IQGAP1: variants seen among roughly 807,000 people sequenced by gnomAD.
IQGAP1 encodes IQ motif containing GTPase activating protein 1.
Under a neutral mutation model 215.6 loss-of-function variants are expected in IQGAP1, and 66 were observed. The observed-to-expected ratio is 0.31, with a 90% CI of 0.25 to 0.38. IQGAP1 has a LOEUF of 0.38. Ranked by LOEUF, IQGAP1 falls within the 10% of genes least tolerant of loss-of-function variation. The pLI is 1.00. For synonymous variants in IQGAP1, 772 were observed against 728.7 expected, an observed-to-expected ratio of 1.06 and a Z score of -0.96; for missense variants, 1,712 against 1,997.1, an observed-to-expected ratio of 0.86 and a Z score of 2.72.
intron 2 of IQGAP1, among the ~76,000 whole-genome samples, chr15:90,422,634 ATATATG>A (rs1318228455): frequency 1.1e-5 from 1 of 90,176 alleles, no homozygotes; most frequent in Non-Finnish European, 2.3e-5. Flanking sequence ...ATGTATATAT[ATATATG>A]TATATGTATA....
In IQGAP1 at chr15:90,443,472, G is replaced by T. The variant is rs371374945; in HGVS notation, c.907G>T (p.Val303Phe). 6 of 1,591,856 alleles carry T rather than the reference G, an allele frequency of 3.8e-6. No homozygotes were observed. The African/African-American group carries it at 8.1e-5, about 21-fold the overall frequency. The stretch of plus-strand genomic sequence containing the variant: ...TGAAATTCAAGGCAATATAAACAAA[G>T]TCAATAGTAAGTATGTTCCTGAATC... ...QAEIQGNINKVNTFSALANID... is the reference protein window; with the variant it reads ...QAEIQGNINKFNTFSALANID... Residue 303 changes from valine to phenylalanine, a missense_variant, in exon 9 of 38, where the codon GTC becomes TTC. Val to Phe is a conservative substitution (Grantham distance 50, BLOSUM62 -1). Coordinates refer to ENST00000268182, the MANE Select transcript of IQGAP1 (RefSeq NM_003870.4).
At chr15:90,446,132 G>C (rs966877031) in intron 9 of IQGAP1, among the ~76,000 whole-genome samples, 1 of 152,184 alleles carries the variant, frequency 6.6e-6, no homozygotes, top group Non-Finnish European at 1.5e-5. Flanking sequence ...TCTGTGAGAA[G>C]AAAGTCCACG....
chr15:90,427,083 A>G (rs1430026506), intron 3 of IQGAP1, among the ~76,000 whole-genome samples: 1 of 151,912 alleles, frequency 6.6e-6, no homozygotes, highest in Non-Finnish European at 1.5e-5. Context: ...CCTGGGCAAT[A>G]TAATGAGACC....
chr15:90,411,426 G>A (rs149041414), intron 2 of IQGAP1, among the ~76,000 whole-genome samples: 7 of 152,048 alleles, frequency 4.6e-5, no homozygotes, highest in African/African-American at 1.4e-4. Context: ...GATTATAGGC[G>A]TGAGCCACCT....
rs888557534 is a variant in IQGAP1 at position 90,500,707 on chromosome 15, C to T, written c.*599C>T. On this transcript the variant is annotated 3_prime_UTR_variant, in exon 38 of 38. Transcript: ENST00000268182. ...AAGTGACAGTCATGTTCAAAGGAAG[C>T]ATTTCTAGAAAAAAGGAGATAATGT... The T allele has an allele frequency of 3.9e-5, 6 of 152,166 alleles. No homozygotes were observed. The highest frequency in any genetic ancestry group is 1.3e-4 in the Admixed American group (2 of 15,274). The allele number at this position is 152,166 out of a possible 1,614,324, so 9.4% of individuals were successfully genotyped here.
intron 4 of IQGAP1, among the ~76,000 whole-genome samples, chr15:90,430,437 A>T (rs761735132): frequency 6.6e-6 from 1 of 152,154 alleles, no homozygotes; most frequent in East Asian, 1.9e-4. Context: ...ATTTTTTAGC[A>T]TTGATTATGA....
chr15:90,473,098 G>A (rs1039425629), intron 19 of IQGAP1, 88 bp downstream of exon 19: 1 of 1,282,582 alleles, frequency 7.8e-7, no homozygotes, highest in Admixed American at 1.9e-5. Flanking sequence ...CTGTCTGAGT[G>A]TGTTTTTTGA....
At chr15:90,444,587 A>G (rs1239953991) in intron 9 of IQGAP1, among the ~76,000 whole-genome samples, 1 of 152,172 alleles carries the variant, frequency 6.6e-6, no homozygotes, top group African/African-American at 2.4e-5. Context: ...CCCAGCCTCC[A>G]AAACATATTT....
chr15:90,416,371 G>A (rs147062003), intron 2 of IQGAP1, among the ~76,000 whole-genome samples: 12 of 152,244 alleles, frequency 7.9e-5, no homozygotes, highest in East Asian at 1.9e-4. Context: ...ACATACGTGC[G>A]CATGTGTCTT....
Position 90,472,840 on chromosome 15 carries a change from A to G in IQGAP1, c.2179A>G (p.Ser727Gly). Residue 727 changes from serine to glycine, a missense_variant and splice_region_variant, in exon 19 of 38, where the codon AGT (serine) becomes GGT (glycine). By Grantham distance (56) the Ser-to-Gly change is moderately conservative. Coordinates refer to ENST00000268182, the MANE Select transcript of IQGAP1 (RefSeq NM_003870.4). Reference protein sequence around the residue: ...SMQLSREEIQSSISGVTAAYN... With the variant: ...SMQLSREEIQGSISGVTAAYN... ...TTGAATGTGACCACTGCTTTTTCAG[A>G]GTTCTATCTCTGGGGTGACTGCCGC... The G allele has an allele frequency of 6.3e-7, 1 of 1,598,450 alleles. No individual in the cohort carries two copies. The highest frequency in any genetic ancestry group is 2.2e-5 in the East Asian group (1 of 44,564).
chr15:90,422,656 ATATG>A lies in IQGAP1; in HGVS notation c.156-3450_156-3447del, dbSNP rs1231874145. On this transcript the variant is annotated intron_variant, in intron 2 of 37. Coordinates refer to ENST00000268182, the MANE Select transcript of IQGAP1 (RefSeq NM_003870.4). ...TATATATATGTATATGTATATATAT[ATATG>A]TATATATATATATATATATAATTTT... is the stretch of plus-strand genomic sequence containing the variant. 1.2e-3 allele frequency among the ~76,000 whole-genome samples: 81 copies of A among 67,448 alleles called. 6 individuals carry two copies. Among genetic ancestry groups the A allele is most frequent in the South Asian group, 3.1e-3 (5 of 1,630 alleles). The allele number at this position is 67,448 out of a possible 152,430, so 44.2% of individuals were successfully genotyped here.
chr15:90,416,710 T>C (rs1399773332), intron 2 of IQGAP1, among the ~76,000 whole-genome samples: 2 of 152,072 alleles, frequency 1.3e-5, no homozygotes, highest in East Asian at 3.9e-4. Flanking sequence ...CCCGAGTAGC[T>C]GGGATTACAG....
intron 2 of IQGAP1, among the ~76,000 whole-genome samples, chr15:90,392,771 G>A (rs1313299386): frequency 1.9e-5 from 1 of 51,680 alleles, no homozygotes; most frequent in African/African-American, 1.9e-4. Context: ...TTTTTGTACA[G>A]TCTCGCTCTG....
At chr15:90,429,991 C>G (rs530786239) in intron 4 of IQGAP1, 222 of 182,314 alleles carry the variant, frequency 1.2e-3, no homozygotes, top group Middle Eastern at 7.0e-3. Context: ...AATACCAAAT[C>G]AGTGGTTTTT....
chr15:90,433,095 A>C (rs1340872568), intron 4 of IQGAP1, among the ~76,000 whole-genome samples: 2 of 152,220 alleles, frequency 1.3e-5, no homozygotes, highest in Non-Finnish European at 2.9e-5. Context: ...ATAAACACAA[A>C]TGATCGATTT....
intron 26 of IQGAP1, 137 bp from the exon 27 acceptor site, chr15:90,481,823 A>G (rs759345266): frequency 3.2e-5 from 28 of 870,974 alleles, no homozygotes; most frequent in Non-Finnish European, 4.7e-5. Context: ...TAGACTTATC[A>G]CTTACCAGCC....
chr15:90,408,225 AT>A (rs750000618), intron 2 of IQGAP1, among the ~76,000 whole-genome samples: 3 of 152,182 alleles, frequency 2.0e-5, no homozygotes, highest in Non-Finnish European at 4.4e-5. Flanking sequence ...GTTAAGTTGA[AT>A]GAGTACAGAG....
intron 3 of IQGAP1, among the ~76,000 whole-genome samples, chr15:90,427,578 A>G (rs763993139): frequency 3.9e-5 from 6 of 152,110 alleles, no homozygotes; most frequent in Non-Finnish European, 7.4e-5. Flanking sequence ...CATCTCTACT[A>G]AAAATATAAA....
At chr15:90,397,743 C>G (rs1964743997) in intron 2 of IQGAP1, 1 of 151,756 alleles carries the variant, frequency 6.6e-6, no homozygotes, top group African/African-American at 2.4e-5. Flanking sequence ...GTCTCGATCT[C>G]CTGACCTCGT....
Sources: gnomAD v4.1 joint callset for allele counts (sites outside exome capture counted in the v4.1 genomes callset) on GRCh38, gnomAD v4.1.1 for gene constraint, MANE v1.5 for transcripts, NCBI Gene and HGNC (gene_info 2026-07-23, HGNC 2026-07-21) for gene names.